The following STXBP6 variants were observed in gnomAD, a reference collection of about 807,000 sequenced individuals.
STXBP6 encodes syntaxin binding protein 6.
STXBP6 carries 21 observed loss-of-function variants against 26.9 expected under a neutral mutation model. The ratio of observed to expected loss-of-function variants is 0.78; its 90% confidence interval spans 0.55 to 1.12. The LOEUF (loss-of-function observed/expected upper bound fraction) is 1.12. Ranked by LOEUF, STXBP6 falls within the 50% of genes most tolerant of loss-of-function variation. STXBP6 has a pLI of 0.00. For missense variants in STXBP6, 232 were observed against 257.9 expected (o/e 0.90, Z 0.69); for synonymous variants, 97 against 92.6 (o/e 1.05, Z -0.27).
chr14:24,820,600 A>C (rs993978342), intron 4 of STXBP6, among the ~76,000 whole-genome samples: 1 of 152,196 alleles, frequency 6.6e-6, no homozygotes, highest in African/African-American at 2.4e-5. Context: ...CTGGGTCTTC[A>C]GAACAGATTT....
intron 2 of STXBP6, among the ~76,000 whole-genome samples, chr14:24,912,418 T>G (rs1188121422): frequency 7.2e-6 from 1 of 138,364 alleles, no homozygotes; most frequent in Non-Finnish European, 1.5e-5. Flanking sequence ...GGTGGCTGGG[T>G]AAGGTTTATA....
Position 24,992,100 on chromosome 14 carries a change from C to G in STXBP6, c.-32-17250G>C, listed in dbSNP as rs113156746. 2.2e-3 allele frequency among the ~76,000 whole-genome samples: 342 copies of G among 152,260 alleles called. 1 individual carries two copies. The highest frequency in any genetic ancestry group is 7.4e-3 in the African/African-American group (307 of 41,548). The stretch of plus-strand genomic sequence containing the variant: ...TTTTTCCAACCAGATTCTGAGCTAC[C>G]GAAGAAACCCCAGCACCTAGCACAA... On this transcript the variant is annotated intron_variant, in intron 1 of 5. Coordinates refer to ENST00000323944, the MANE Select transcript of STXBP6 (RefSeq NM_001394410.1).
intron 2 of STXBP6, among the ~76,000 whole-genome samples, chr14:24,925,461 T>C (rs1015376407): frequency 4.6e-5 from 7 of 152,168 alleles, no homozygotes; most frequent in Non-Finnish European, 8.8e-5. Context: ...TATGAGATAA[T>C]GTTACAGCTA....
At chr14:24,931,318 T>C (rs914732491) in intron 2 of STXBP6, among the ~76,000 whole-genome samples, 4 of 151,626 alleles carry the variant, frequency 2.6e-5, no homozygotes, top group Non-Finnish European at 4.4e-5. Flanking sequence ...CAAACCTACA[T>C]GGCACATGTA....
intron 2 of STXBP6, among the ~76,000 whole-genome samples, chr14:24,972,470 T>C (rs1167397497): frequency 1.3e-5 from 2 of 152,190 alleles, no homozygotes; most frequent in Non-Finnish European, 2.9e-5. Context: ...CAATTATACA[T>C]AGGTACTAGG....
chr14:24,843,171 C>T (rs192943287), intron 4 of STXBP6, among the ~76,000 whole-genome samples: 20 of 152,182 alleles, frequency 1.3e-4, no homozygotes, highest in Admixed American at 8.5e-4. Context: ...GCAGGAATAA[C>T]GATAACTACT....
chr14:24,963,698 C>T (rs2073626846), intron 2 of STXBP6, among the ~76,000 whole-genome samples: 1 of 152,124 alleles, frequency 6.6e-6, no homozygotes, highest in South Asian at 2.1e-4. Context: ...CTTGTTACTC[C>T]ATTAAATGAA....
At chr14:24,936,474 T>C (rs947468545) in intron 2 of STXBP6, among the ~76,000 whole-genome samples, 4 of 152,174 alleles carry the variant, frequency 2.6e-5, no homozygotes, top group African/African-American at 9.7e-5. Context: ...TCTCTTCACT[T>C]TGCAAATAAA....
At chr14:25,044,725 G>A (rs149350214) in intron 1 of STXBP6, among the ~76,000 whole-genome samples, 8 of 152,352 alleles carry the variant, frequency 5.3e-5, no homozygotes, top group Non-Finnish European at 8.8e-5. Flanking sequence ...ACAGGCATGA[G>A]CAACCAAGCC....
intron 2 of STXBP6, among the ~76,000 whole-genome samples, chr14:24,944,949 C>G (rs1458734425): frequency 6.6e-6 from 1 of 152,012 alleles, no homozygotes; most frequent in African/African-American, 2.4e-5. Flanking sequence ...ACTCGCTAGG[C>G]TTGTACTTCC....
At chr14:25,022,487 A>C (rs573488325) in intron 1 of STXBP6, among the ~76,000 whole-genome samples, 2 of 152,320 alleles carry the variant, frequency 1.3e-5, no homozygotes, top group African/African-American at 4.8e-5. Context: ...CACTTCATCT[A>C]GGGTCAGAGG....
chr14:24,824,933 G>T (rs1489679447), intron 4 of STXBP6, among the ~76,000 whole-genome samples: 1 of 152,220 alleles, frequency 6.6e-6, no homozygotes, highest in Non-Finnish European at 1.5e-5. Context: ...GCCGCGAATT[G>T]ACTCCAAAGC....
chr14:25,012,567 T>C (rs1212886816), intron 1 of STXBP6, among the ~76,000 whole-genome samples: 1 of 152,078 alleles, frequency 6.6e-6, no homozygotes, highest in Non-Finnish European at 1.5e-5. Context: ...ACCACTGCAC[T>C]GCAGCCTGGG....
chr14:24,982,128 G>A (rs1595246801), intron 1 of STXBP6, among the ~76,000 whole-genome samples: 1 of 152,196 alleles, frequency 6.6e-6, no homozygotes, highest in Admixed American at 6.5e-5. Context: ...TCAGTGGAGT[G>A]CTCCTTGAAA....
rs1438223613 is a variant in STXBP6, at chr14:25,049,994, C to G, written c.-149G>C. On this transcript the variant is annotated 5_prime_UTR_variant, in exon 1 of 6. Coordinates refer to ENST00000323944, the MANE Select transcript of STXBP6 (RefSeq NM_001394410.1). The surrounding 1 kb of genome is among the most constrained non-coding windows in gnomAD (Gnocchi z 5.6). ...CTCCGGGCTCCGGACAAGGCTTAGC[C>G]GGCCCGGGTGCTGGCTCGCCGCCGC... 7.7e-6 allele frequency: 4 copies of G among 522,090 alleles called. No individual in the cohort carries two copies. The highest frequency in any genetic ancestry group is 6.4e-5 in the Admixed American group (1 of 15,656). 32.3% of individuals were successfully genotyped at this position (522,090 alleles called of 1,614,324 possible).
At chr14:24,839,183 A>T (rs1411881404) in intron 4 of STXBP6, among the ~76,000 whole-genome samples, 1 of 152,098 alleles carries the variant, frequency 6.6e-6, no homozygotes, top group East Asian at 1.9e-4. Flanking sequence ...TTTTAGACAT[A>T]TCTGTGTTGA....
At chr14:24,870,731 T>C (rs530527242) in intron 2 of STXBP6, among the ~76,000 whole-genome samples, 1 of 152,302 alleles carries the variant, frequency 6.6e-6, no homozygotes, top group African/African-American at 2.4e-5. Flanking sequence ...CATGTTCAAA[T>C]TGTCCTGGTT....
intron 2 of STXBP6, among the ~76,000 whole-genome samples, chr14:24,925,892 A>C (rs2072146139): frequency 6.6e-6 from 1 of 152,194 alleles, no homozygotes; most frequent in Non-Finnish European, 1.5e-5. Context: ...GTTACAACAC[A>C]AAAAAGTATT....
At chr14:25,012,749 T>G (rs912180517) in intron 1 of STXBP6, among the ~76,000 whole-genome samples, 1 of 152,196 alleles carries the variant, frequency 6.6e-6, no homozygotes, top group African/African-American at 2.4e-5. Flanking sequence ...TTTGACCTTA[T>G]GGACTCACTA....
Sources: allele counts gnomAD v4.1 joint callset (sites outside exome capture counted in the v4.1 genomes callset), GRCh38; gene constraint gnomAD v4.1.1; non-coding constraint Gnocchi (gnomAD v3.1); transcripts MANE v1.5; gene names NCBI Gene and HGNC (gene_info 2026-07-23, HGNC 2026-07-21).